Variants in RGL3 observed in about 807,000 individuals in gnomAD.
The protein encoded by RGL3 is ral guanine nucleotide dissociation stimulator like 3.
In RGL3, 85 loss-of-function variants were observed where a neutral mutation model predicts 90.6. The observed-to-expected ratio is 0.94, with a 90% CI of 0.79 to 1.12. The LOEUF (loss-of-function observed/expected upper bound fraction) is 1.12. Among genes scored for constraint, RGL3 ranks in the 50% most tolerant of loss-of-function variants. RGL3 has a pLI of 0.00. For synonymous variants in RGL3, 408 were observed against 385.5 expected (o/e 1.06, Z -0.68); for missense variants, 1,034 against 939.2 (o/e 1.10, Z -1.32).
At chr19:11,404,757 G>T (rs11878750) in intron 9 of RGL3, among the ~76,000 whole-genome samples, 1 of 152,014 alleles carries the variant, frequency 6.6e-6, no homozygotes, top group East Asian at 1.9e-4. Flanking sequence ...AAAAACCAGC[G>T]CCTGATTGCA....
At chr19:11,403,393 C>A (rs1372797674) in intron 9 of RGL3, among the ~76,000 whole-genome samples, 1 of 147,172 alleles carries the variant, frequency 6.8e-6, no homozygotes, top group African/African-American at 2.5e-5. Flanking sequence ...AATCCCAGCA[C>A]TTTGGGAGGC....
At position 11,399,923 on chromosome 19, in the gene RGL3, G is replaced by C. The variant is rs1171403473; in HGVS notation, c.1678C>G (p.Pro560Ala). ...SVSPGSPPSS[P>A]RSRDAPAGSP... is the part of the protein sequence containing the mutation. ...CCAGCAGGAGCATCTCTGCTTCTAG[G>C]ACTTGAGGGGGGTGACCCTGGGGAC... is the stretch of plus-strand genomic sequence containing the variant. The change falls in exon 16 of 19, where the codon CCT becomes GCT. Residue 560 changes from proline to alanine, a missense_variant. Transcript: ENST00000380456. 7 of 1,542,788 alleles carry C rather than the reference G, an allele frequency of 4.5e-6. No homozygotes were observed. Among genetic ancestry groups the C allele is most frequent in the Non-Finnish European group, 6.1e-6 (7 of 1,152,092 alleles).
chr19:11,405,492 ATCTTTTTTTTTTTTTTT>A, intron 7 of RGL3, 66 bp from the exon 8 acceptor site: 2 of 132,456 alleles, frequency 1.5e-5, no homozygotes, highest in South Asian at 8.4e-5. Context: ...AAACTTCTTC[ATCTTTTTTTTTTTTTTT>A]TTTTTTTTTT....
In RGL3 at chr19:11,402,106, C is replaced by T. The variant is rs199753873; in HGVS notation, c.1389G>A (p.Gln463=). 50 of 1,602,314 alleles carry T rather than the reference C, an allele frequency of 3.1e-5. No individual in the cohort carries two copies. In the African/African-American group the frequency reaches 5.5e-4, roughly 18 times the overall value. ...RKEWEILARI[Q]QLQRRCQSYT... is the part of the protein sequence containing the mutation. ...AGCTCTGACAGCGCCTCTGCAGCTGCTGGATGCGGGCCAGGATCTCCCACT... is the reference window on the plus strand; with the variant it reads ...AGCTCTGACAGCGCCTCTGCAGCTGTTGGATGCGGGCCAGGATCTCCCACT... The change falls in exon 13 of 19, where the codon CAG becomes CAA. Residue 463 remains glutamine, a synonymous_variant. Coordinates refer to ENST00000380456, the MANE Select transcript of RGL3 (RefSeq NM_001035223.4).
chr19:11,419,021 T>C (rs1040084059), intron 1 of RGL3: 17 of 651,170 alleles, frequency 2.6e-5, no homozygotes, highest in Middle Eastern at 3.9e-4. Flanking sequence ...CCCAGTCTAA[T>C]AGAACCTGTC....
intron 18 of RGL3, among the ~76,000 whole-genome samples, chr19:11,395,847 T>C (rs1968554941): frequency 1.3e-5 from 2 of 151,456 alleles, no homozygotes; most frequent in South Asian, 2.1e-4. Context: ...CAGGATGGTC[T>C]CGATCTCTTG....
intron 5 of RGL3, among the ~76,000 whole-genome samples, chr19:11,410,523 A>C (rs1006752398): frequency 6.6e-6 from 1 of 152,046 alleles, no homozygotes; most frequent in Admixed American, 6.6e-5. Context: ...GTCTACATAA[A>C]AAAATTTTTA....
Position 11,406,485 on chromosome 19 carries a change from G to A in RGL3, c.930C>T (p.Leu310=). 1.3e-6 allele frequency: 2 copies of A among 1,554,650 alleles called. No homozygotes were observed. The highest frequency in any genetic ancestry group is 1.7e-6 in the Non-Finnish European group (2 of 1,152,472). Residue 310 remains leucine, a synonymous_variant, in exon 7 of 19, where the codon CTC becomes CTT. Coordinates refer to ENST00000380456, the MANE Select transcript of RGL3 (RefSeq NM_001035223.4). ...TVTGCVLGSV[L]GAPGLAAPQR... is the part of the protein sequence containing the mutation. The stretch of plus-strand genomic sequence containing the variant: ...GCGGGGCGGCCAAGCCCGGTGCTCC[G>A]AGCACGGAACCCAGCACACAGCCGG...
At chr19:11,406,383 C>T (rs1268987023) in intron 7 of RGL3, 36 bp downstream of exon 7, 1 of 1,512,760 alleles carries the variant, frequency 6.6e-7, no homozygotes, top group South Asian at 1.2e-5. Flanking sequence ...GCCCCAGGGC[C>T]CGCCCCCGCA....
chr19:11,402,016 C>T lies in RGL3; in HGVS notation c.1479G>A (p.Glu493=). ...ALHAQNQLTE[E]QSYRLSRVIE... is the part of the protein sequence containing the mutation. The stretch of plus-strand genomic sequence containing the variant: ...ACAGGCTACAGGGTGGTCACCTCTG[C>T]TCCTCGGTGAGCTGGTTCTGGGCAT... The change falls in exon 13 of 19, where the codon GAG becomes GAA. Residue 493 remains glutamate (E), a synonymous_variant. Transcript: ENST00000380456. 6.5e-7 allele frequency: 1 copy of T among 1,546,098 alleles called. No individual in the cohort carries two copies. Among genetic ancestry groups the T allele is most frequent in the Non-Finnish European group, 8.7e-7 (1 of 1,147,902 alleles).
intron 11 of RGL3, 75 bp from the exon 12 acceptor site, chr19:11,402,322 A>T (rs961615507): frequency 1.4e-5 from 23 of 1,600,378 alleles, no homozygotes; most frequent in Middle Eastern, 1.7e-4. Flanking sequence ...CTGGGATGTC[A>T]GGAGCCCCAC....
chr19:11,399,024 A>G (rs1294867975), intron 16 of RGL3, among the ~76,000 whole-genome samples: 2 of 152,048 alleles, frequency 1.3e-5, no homozygotes, highest in Non-Finnish European at 2.9e-5. Flanking sequence ...GTGCCGTGGC[A>G]TGATCGTAGC....
chr19:11,406,855 C>G lies in RGL3; in HGVS notation c.647G>C (p.Arg216Thr). Reference sequence around the variant, plus strand: ...GTCTGGGTCAGAAGTTTGGGCAACTCTGGGAGGTCCTGATCATTAGAAAGG... The same window carrying G: ...GTCTGGGTCAGAAGTTTGGGCAACTGTGGGAGGTCCTGATCATTAGAAAGG... ...EPPQVWTGPP[R>T]VAQTSDPDSS... The change falls in exon 6 of 19, where the codon AGA becomes ACA. Residue 216 changes from arginine to threonine, a missense_variant. By Grantham distance (71) the Arg-to-Thr change is moderately conservative. Transcript: ENST00000380456. 2 of 1,605,800 alleles carry G rather than the reference C, an allele frequency of 1.2e-6. No individual in the cohort carries two copies. Among genetic ancestry groups the G allele is most frequent in the East Asian group, 2.2e-5 (1 of 44,882 alleles).
chr19:11,396,813 G>A (rs1568334392), intron 18 of RGL3, among the ~76,000 whole-genome samples: 1 of 151,524 alleles, frequency 6.6e-6, no homozygotes, highest in African/African-American at 2.4e-5. Flanking sequence ...GACTACAGGA[G>A]TGTGCCACCA....
intron 5 of RGL3, among the ~76,000 whole-genome samples, chr19:11,414,490 CATATATATAT>C (rs57862666): frequency 0.028 from 774 of 27,860 alleles, 36 homozygotes; most frequent in South Asian, 0.047. Context: ...TATACACCTT[CATATATATAT>C]ATATATATAT....
At chr19:11,398,815 T>A (rs1409270721) in intron 16 of RGL3, among the ~76,000 whole-genome samples, 1 of 152,018 alleles carries the variant, frequency 6.6e-6, no homozygotes, top group Non-Finnish European at 1.5e-5. Context: ...GGACTACAGG[T>A]GTGCGCGACC....
intron 18 of RGL3, 89 bp downstream of exon 18, chr19:11,397,154 CG>C: frequency 9.3e-7 from 1 of 1,069,766 alleles, no homozygotes. Flanking sequence ...CCTGTGAACC[CG>C]GGTAACCTTG....
At chr19:11,395,817 C>T (rs1202708490) in intron 18 of RGL3, among the ~76,000 whole-genome samples, 1 of 151,352 alleles carries the variant, frequency 6.6e-6, no homozygotes, top group African/African-American at 2.4e-5. Context: ...TTAGTAGAGA[C>T]GAGGCTTCAC....
intron 5 of RGL3, among the ~76,000 whole-genome samples, chr19:11,411,913 C>T (rs78823986): frequency 2.0e-5 from 3 of 152,100 alleles, no homozygotes; most frequent in African/African-American, 7.2e-5. Context: ...CTGCATCTGG[C>T]CTGGATTGGA....
Sources: allele counts gnomAD v4.1 joint callset (sites outside exome capture counted in the v4.1 genomes callset), GRCh38; gene constraint gnomAD v4.1.1; transcripts MANE v1.5; gene names NCBI Gene and HGNC (gene_info 2026-07-23, HGNC 2026-07-21).